DNAI7: variants seen among roughly 807,000 people sequenced by gnomAD.
DNAI7 encodes dynein axonemal intermediate chain 7.
Under a neutral mutation model 86.6 loss-of-function variants are expected in DNAI7, and 78 were observed. The observed-to-expected ratio is 0.90, with a 90% CI of 0.75 to 1.09. DNAI7 has a LOEUF of 1.09. Among genes scored for constraint, DNAI7 ranks in the 50% least tolerant of loss-of-function variants. The pLI is 0.00. For synonymous variants in DNAI7, 274 were observed against 273.0 expected (o/e 1.00, Z -0.04); for missense variants, 753 against 810.2 (o/e 0.93, Z 0.86).
intron 2 of DNAI7, among the ~76,000 whole-genome samples, chr12:25,178,447 T>C (rs751913957): frequency 2.0e-5 from 3 of 152,134 alleles, no homozygotes; most frequent in Non-Finnish European, 4.4e-5. Flanking sequence ...TCTTAATATT[T>C]ATCATTTATG....
intron 2 of DNAI7, among the ~76,000 whole-genome samples, chr12:25,168,437 T>C (rs1380755650): frequency 6.6e-6 from 1 of 152,200 alleles, no homozygotes; most frequent in Admixed American, 6.5e-5. Flanking sequence ...AGTATTGGAA[T>C]AGCAGGCATT....
chr12:25,173,791 T>C lies in DNAI7; in HGVS notation c.22-12594A>G, dbSNP rs1948405724. ...ACAAATCATATATATACACACATCA[T>C]ATATATACACACACATCATATATAT... On this transcript the variant is annotated intron_variant, in intron 2 of 15. Transcript: ENST00000395987. Among the ~76,000 whole-genome samples the C allele has an allele frequency of 2.0e-5, 3 of 151,000 alleles. No homozygotes were observed. In the South Asian group the frequency reaches 6.2e-4, roughly 31 times the overall value.
chr12:25,156,134 T>G (rs1034989345), intron 4 of DNAI7, among the ~76,000 whole-genome samples: 8 of 151,524 alleles, frequency 5.3e-5, no homozygotes, highest in African/African-American at 1.9e-4. Flanking sequence ...AATGCCCTGA[T>G]GAAGAGGTGA....
chr12:25,171,419 T>C (rs188266994), intron 2 of DNAI7, among the ~76,000 whole-genome samples: 3 of 152,006 alleles, frequency 2.0e-5, no homozygotes, highest in African/African-American at 7.2e-5. Context: ...CTACCTTAAA[T>C]CAGCAAGAAT....
chr12:25,120,796 G>C (rs74073312), intron 11 of DNAI7, among the ~76,000 whole-genome samples: 1 of 151,598 alleles, frequency 6.6e-6, no homozygotes, highest in African/African-American at 2.4e-5. Context: ...TTATAAAACA[G>C]GGGTGAGAAA....
At chr12:25,142,917 T>C (rs760606332) in intron 9 of DNAI7, among the ~76,000 whole-genome samples, 3 of 152,206 alleles carry the variant, frequency 2.0e-5, no homozygotes, top group Non-Finnish European at 4.4e-5. Flanking sequence ...GAAAGGAGTA[T>C]AATCCTTCCA....
In DNAI7 at chr12:25,110,970, A is replaced by T. The variant is rs138172442; in HGVS notation, c.1780-730T>A. 2.4e-3 allele frequency among the ~76,000 whole-genome samples: 359 copies of T among 152,298 alleles called. 2 individuals are homozygous for T. The highest frequency in any genetic ancestry group is 8.2e-3 in the African/African-American group (343 of 41,584). Reference sequence around the variant, plus strand: ...TCTGAAAGCATGAGCAGAACACTACATTCAACAATGTAGAGTAACAGGCAA... The same window carrying T: ...TCTGAAAGCATGAGCAGAACACTACTTTCAACAATGTAGAGTAACAGGCAA... On this transcript the variant is annotated intron_variant, in intron 14 of 15. Transcript: ENST00000395987.
intron 9 of DNAI7, among the ~76,000 whole-genome samples, chr12:25,143,624 T>G (rs1281367453): frequency 6.6e-6 from 1 of 152,254 alleles, no homozygotes; most frequent in East Asian, 1.9e-4. Flanking sequence ...AAATTTGTAT[T>G]CAATCTAATC....
rs1266776832 is a variant in DNAI7 at position 25,147,021 on chromosome 12, T to C, written c.669A>G (p.Ala223=). ...KDENVTLYVW[A]NLKKNPRHRS... is the part of the protein sequence containing the mutation. ...GGTACCTTGGATTCTTCTTGAGGTT[T>C]GCCCACACATACAGAGTAACATTTT... The change falls in exon 8 of 16, where the codon GCA becomes GCG. Residue 223 remains alanine, a synonymous_variant. Transcript: ENST00000395987. 4 of 1,590,724 alleles carry C rather than the reference T, an allele frequency of 2.5e-6. No homozygotes were observed. The Admixed American group carries it at 6.7e-5, about 27-fold the overall frequency.
rs546211256 is a variant in DNAI7, at chr12:25,167,001, C to A, written c.22-5804G>T. ...CCTGGCCCAGACTTCAATCCAGCCT[C>A]CCACAGTATTCCAGATACCACACCT... On this transcript the variant is annotated intron_variant, in intron 2 of 15. Transcript: ENST00000395987. Among the ~76,000 whole-genome samples, 92 of 152,264 alleles carry A rather than the reference C, an allele frequency of 6.0e-4. No homozygotes were observed. In the Middle Eastern group the frequency reaches 0.014, roughly 23 times the overall value.
At chr12:25,164,209 C>T (rs376928683) in intron 2 of DNAI7, among the ~76,000 whole-genome samples, 3 of 150,652 alleles carry the variant, frequency 2.0e-5, no homozygotes, top group African/African-American at 4.9e-5. Context: ...CACTTTTCTG[C>T]GGGGCAAGAA....
At chr12:25,108,009 T>A, downstream of DNAI7, 1 of 1,614,124 alleles carries the variant, frequency 6.2e-7, no homozygotes, top group East Asian at 2.2e-5. Context: ...CTCTAGAACA[T>A]ATCTTGTGGC....
chr12:25,126,202 G>A (rs566469868), intron 9 of DNAI7, among the ~76,000 whole-genome samples: 2 of 152,240 alleles, frequency 1.3e-5, no homozygotes, highest in African/African-American at 2.4e-5. Flanking sequence ...GCTGGAGTGA[G>A]GCATGCTAGG....
chr12:25,117,938 C>CTTTCTTTTTT lies in DNAI7; in HGVS notation c.1396+1206_1396+1207insAAAAAAGAAA, dbSNP rs1555154890. Among the ~76,000 whole-genome samples the CTTTCTTTTTT allele has an allele frequency of 3.0e-4, 40 of 135,016 alleles. 2 individuals carry two copies. The highest frequency in any genetic ancestry group is 5.0e-4 in the Non-Finnish European group (32 of 64,050). The allele number at this position is 135,016 out of a possible 152,430, so 88.6% of individuals were successfully genotyped here. ...TAAACTATTTTGATATTTTCTTTTT[C>CTTTCTTTTTT]TTTTTTTTTTTTTTTTTGAGACGGA... On this transcript the variant is annotated intron_variant, in intron 12 of 15. Coordinates refer to ENST00000395987, the MANE Select transcript of DNAI7 (RefSeq NM_018272.5).
At chr12:25,162,176 C>T (rs1946904462) in intron 2 of DNAI7, among the ~76,000 whole-genome samples, 1 of 152,056 alleles carries the variant, frequency 6.6e-6, no homozygotes, top group East Asian at 1.9e-4. Context: ...CCAACAAGGT[C>T]AGTGGGCCCT....
At chr12:25,151,834 T>C (rs1056504166) in intron 6 of DNAI7, among the ~76,000 whole-genome samples, 2 of 152,240 alleles carry the variant, frequency 1.3e-5, no homozygotes, top group Admixed American at 6.5e-5. Context: ...ATGACTCTTA[T>C]AATCTTGTTG....
At chr12:25,166,840 T>C (rs925263326) in intron 2 of DNAI7, among the ~76,000 whole-genome samples, 1 of 152,116 alleles carries the variant, frequency 6.6e-6, no homozygotes, top group Non-Finnish European at 1.5e-5. Flanking sequence ...TCACAAACTA[T>C]GCTCAATTCA....
intron 1 of DNAI7, among the ~76,000 whole-genome samples, chr12:25,194,238 T>C (rs952850693): frequency 6.6e-6 from 1 of 152,234 alleles, no homozygotes; most frequent in African/African-American, 2.4e-5. Flanking sequence ...CATTTCCAAC[T>C]GTGTGTTACC....
At chr12:25,121,376 A>T (rs1008717385) in intron 11 of DNAI7, among the ~76,000 whole-genome samples, 1 of 152,180 alleles carries the variant, frequency 6.6e-6, no homozygotes, top group African/African-American at 2.4e-5. Flanking sequence ...GCAATGGCTG[A>T]GTTGAGTAGC....
Sources: allele counts gnomAD v4.1 joint callset (sites outside exome capture counted in the v4.1 genomes callset), GRCh38; gene constraint gnomAD v4.1.1; transcripts MANE v1.5; gene names NCBI Gene and HGNC (gene_info 2026-07-23, HGNC 2026-07-21).